Variants in NPAS2 observed in about 807,000 individuals in gnomAD.
The protein encoded by NPAS2 is neuronal PAS domain-containing protein 2.
In NPAS2, 23 loss-of-function variants were observed where a neutral mutation model predicts 107.5. That is an observed-to-expected ratio of 0.21 (90% CI 0.15 to 0.30). The LOEUF (loss-of-function observed/expected upper bound fraction) is 0.30. NPAS2 is among the 10% of genes least tolerant of loss of function. The pLI is 1.00. For synonymous variants in NPAS2, 403 were observed against 417.5 expected (o/e 0.97, Z 0.42); for missense variants, 756 against 1,043.3 (o/e 0.72, Z 3.79).
chr2:100,925,543 A>G (rs77812627), intron 3 of NPAS2, among the ~76,000 whole-genome samples: 4,507 of 152,288 alleles, frequency 0.03, 117 homozygotes, highest in Non-Finnish European at 0.045. Context: ...CACAGGTAGC[A>G]CCCAGCCGAA....
At position 100,957,662 on chromosome 2, in the gene NPAS2, C is replaced by T. The variant is rs536391018; in HGVS notation, c.599-6396C>T. 5.9e-5 allele frequency among the ~76,000 whole-genome samples: 9 copies of T among 151,842 alleles called. No homozygotes were observed. In the East Asian group the frequency reaches 1.2e-3, roughly 20 times the overall value. ...AAAGGTCCTGCCGGGCGCGGTGGCTCGCGCCTGTAATCCCAGCACTTTGGG... is the reference window on the plus strand; with the variant it reads ...AAAGGTCCTGCCGGGCGCGGTGGCTTGCGCCTGTAATCCCAGCACTTTGGG... On this transcript the variant is annotated intron_variant, in intron 7 of 20. Coordinates refer to ENST00000335681, the MANE Select transcript of NPAS2 (RefSeq NM_002518.4).
intron 11 of NPAS2, chr2:100,970,604 C>T: frequency 6.1e-6 from 1 of 164,432 alleles, no homozygotes; most frequent in Admixed American, 6.3e-5. Context: ...CTTCCATATG[C>T]ACGGTCCAGA....
intron 1 of NPAS2, among the ~76,000 whole-genome samples, chr2:100,836,224 A>C (rs1364172110): frequency 6.6e-6 from 1 of 152,184 alleles, no homozygotes. Context: ...TTTGATTGAC[A>C]TACATATACA....
intron 7 of NPAS2, among the ~76,000 whole-genome samples, chr2:100,956,283 A>G (rs80134720): frequency 0.033 from 4,984 of 152,196 alleles, 266 homozygotes; most frequent in African/African-American, 0.11. Context: ...GGTTTGCAGT[A>G]CCAATAATCC....
chr2:100,918,313 T>A (rs974916090), intron 2 of NPAS2, among the ~76,000 whole-genome samples: 2 of 151,742 alleles, frequency 1.3e-5, no homozygotes, highest in Non-Finnish European at 2.9e-5. Context: ...GAAGAAAAAA[T>A]AGAAAGTCTT....
Position 100,982,113 on chromosome 2 carries a change from G to T in NPAS2, c.1483-118G>T, listed in dbSNP as rs1677480144. 9 of 1,264,578 alleles carry T rather than the reference G, an allele frequency of 7.1e-6. No individual in the cohort carries two copies. In the South Asian group the frequency reaches 1.3e-4, roughly 18 times the overall value. The allele number at this position is 1,264,578 out of a possible 1,614,324, so 78.3% of individuals were successfully genotyped here. A position where few individuals can be genotyped will look rare whatever the true frequency, so the allele number is the denominator to read the frequency against. ...ACCCAGCCGTGGGCTCCTTAGGGAT[G>T]CTGGGAAAGACGGCTAAGGGACGGA... On this transcript the variant is annotated intron_variant, in intron 15 of 20. Coordinates refer to ENST00000335681, the MANE Select transcript of NPAS2 (RefSeq NM_002518.4).
intron 2 of NPAS2, 129 bp from the exon 3 acceptor site, chr2:100,925,015 CTT>C: frequency 3.1e-6 from 3 of 955,096 alleles, no homozygotes; most frequent in Non-Finnish European, 4.5e-6. Context: ...CCAGCGTGAC[CTT>C]CCTGAAAGAG....
rs3820786 is a variant in NPAS2 at position 100,933,684 on chromosome 2, G to A, written c.273+683G>A. 5.3e-3 allele frequency among the ~76,000 whole-genome samples: 800 copies of A among 152,318 alleles called. 14 individuals carry two copies. In the East Asian group the frequency reaches 0.066, roughly 12 times the overall value. On this transcript the variant is annotated intron_variant, in intron 4 of 20. Coordinates refer to ENST00000335681, the MANE Select transcript of NPAS2 (RefSeq NM_002518.4). ...TATATGGGTGAAACTCCTCAATGCA[G>A]ATAAGCATAAGCCTCTACAGAAACA...
At chr2:100,899,047 C>T (rs568571776) in intron 1 of NPAS2, among the ~76,000 whole-genome samples, 1 of 152,086 alleles carries the variant, frequency 6.6e-6, no homozygotes, top group African/African-American at 2.4e-5. Context: ...GAAGAACATT[C>T]TACAGATACT....
intron 1 of NPAS2, among the ~76,000 whole-genome samples, chr2:100,885,323 A>T (rs879708966): frequency 2.8e-4 from 42 of 152,200 alleles, no homozygotes; most frequent in African/African-American, 1.0e-3. Context: ...AAACAGAAAA[A>T]TTTTTAATGT....
At chr2:100,953,156 C>CGG (rs1346579393) in intron 7 of NPAS2, among the ~76,000 whole-genome samples, 3 of 133,926 alleles carry the variant, frequency 2.2e-5, no homozygotes, top group Admixed American at 2.1e-4. Flanking sequence ...CAGGAGATCA[C>CGG]CTGAGGTCAG....
At chr2:100,961,798 C>G (rs1053862487) in intron 7 of NPAS2, among the ~76,000 whole-genome samples, 1 of 152,210 alleles carries the variant, frequency 6.6e-6, no homozygotes, top group Non-Finnish European at 1.5e-5. Flanking sequence ...AGGAATGTAA[C>G]AGCTGAAAGA....
At chr2:100,896,342 G>A (rs1208616388) in intron 1 of NPAS2, among the ~76,000 whole-genome samples, 1 of 152,210 alleles carries the variant, frequency 6.6e-6, no homozygotes, top group Admixed American at 6.5e-5. Context: ...AGTGGCTGGA[G>A]AAAGGCCTCC....
chr2:100,988,625 C>T (rs756439514), intron 17 of NPAS2: 23 of 343,960 alleles, frequency 6.7e-5, no homozygotes, highest in Middle Eastern at 1.0e-3. Context: ...AATGTCCCAA[C>T]ACTCAACGTC....
chr2:100,977,577 A>G (rs1426845507), intron 14 of NPAS2, 133 bp from the exon 15 acceptor site: 11 of 723,420 alleles, frequency 1.5e-5, no homozygotes, highest in Non-Finnish European at 2.2e-5. Flanking sequence ...AGACACCTAT[A>G]CTTTCTAGAA....
intron 1 of NPAS2, among the ~76,000 whole-genome samples, chr2:100,901,983 C>T (rs1215078296): frequency 6.6e-6 from 1 of 152,090 alleles, no homozygotes; most frequent in Non-Finnish European, 1.5e-5. Flanking sequence ...GGTTCATCAC[C>T]TCAACCATTA....
At chr2:100,841,253 G>A (rs1349007793) in intron 1 of NPAS2, among the ~76,000 whole-genome samples, 1 of 152,098 alleles carries the variant, frequency 6.6e-6, no homozygotes, top group East Asian at 1.9e-4. Flanking sequence ...TGGCCAACAT[G>A]GCAAAACTCT....
intron 14 of NPAS2, among the ~76,000 whole-genome samples, chr2:100,975,944 A>C (rs1173856661): frequency 6.6e-6 from 1 of 152,112 alleles, no homozygotes; most frequent in Non-Finnish European, 1.5e-5. Flanking sequence ...TGTCAACAAA[A>C]ATGTACCTCT....
chr2:100,946,349 G>T (rs1338295227), intron 5 of NPAS2, among the ~76,000 whole-genome samples: 1 of 152,176 alleles, frequency 6.6e-6, no homozygotes, highest in Non-Finnish European at 1.5e-5. Context: ...TAAATCATCA[G>T]TGGGGGTGGA....
Sources: allele counts gnomAD v4.1 joint callset (sites outside exome capture counted in the v4.1 genomes callset), GRCh38; gene constraint gnomAD v4.1.1; transcripts MANE v1.5; gene names NCBI Gene and HGNC (gene_info 2026-07-23, HGNC 2026-07-21).